AGBL1: variants seen among roughly 807,000 people sequenced by gnomAD.
AGBL1 encodes the protein AGBL carboxypeptidase 1.
A neutral mutation model predicts 118.9 loss-of-function variants in AGBL1; 130 were observed. The ratio of observed to expected loss-of-function variants is 1.09; its 90% CI spans 0.95 to 1.26. The LOEUF (loss-of-function observed/expected upper bound fraction) is 1.26. Ranked by LOEUF, AGBL1 falls within the 50% of genes most tolerant of loss-of-function variation. The probability of loss-of-function intolerance (pLI) is 0.00; values close to 1 mark genes in which losing one functional copy is unlikely to be tolerated. For missense variants in AGBL1, 1,584 were observed against 1,298.1 expected (o/e 1.22, Z -3.38); for synonymous variants, 555 against 478.9 (o/e 1.16, Z -2.08).
intron 9 of AGBL1, among the ~76,000 whole-genome samples, chr15:86,260,093 AT>A (rs2078959059): frequency 6.6e-6 from 1 of 152,272 alleles, no homozygotes; most frequent in African/African-American, 2.4e-5. Context: ...CAGTGTGAGG[AT>A]GAATTGTAGA....
At chr15:86,551,859 A>C (rs1419108631) in intron 20 of AGBL1, among the ~76,000 whole-genome samples, 1 of 152,130 alleles carries the variant, frequency 6.6e-6, no homozygotes, top group South Asian at 2.1e-4. Flanking sequence ...CCTTAAATGG[A>C]TATTACTAAG....
chr15:86,596,709 C>A (rs1361616621), intron 21 of AGBL1, among the ~76,000 whole-genome samples: 1 of 152,170 alleles, frequency 6.6e-6, no homozygotes, highest in African/African-American at 2.4e-5. Flanking sequence ...CCATAAATAT[C>A]TTACCTTCAC....
chr15:86,158,945 C>A lies in AGBL1; in HGVS notation c.407C>A (p.Ala136Asp), dbSNP rs755789582. The stretch of plus-strand genomic sequence containing the variant: ...TTGTTTTTCTTAGTCTCCATGGGAG[C>A]CATGCTGGGAATTAATGGAGCCATG... ...RVFASSVSMG[A>D]MLGINGAMEL... Residue 136 changes from alanine (A) to aspartate (D), a missense_variant, in exon 5 of 23, where the codon GCC (alanine) becomes GAC (aspartate). Physicochemically the swap from Ala to Asp is moderately radical, Grantham distance 126. Coordinates refer to ENST00000614907, the MANE Select transcript of AGBL1 (RefSeq NM_001386094.1). 1.5e-5 allele frequency: 24 copies of A among 1,613,208 alleles called. No homozygotes were observed. The highest frequency in any genetic ancestry group is 6.6e-5 in the South Asian group (6 of 91,064).
At chr15:86,539,785 G>T (rs79007911) in intron 19 of AGBL1, among the ~76,000 whole-genome samples, 1 of 152,194 alleles carries the variant, frequency 6.6e-6, no homozygotes, top group East Asian at 1.9e-4. Flanking sequence ...CACTTCCAAG[G>T]TGCTGCTCCC....
At chr15:86,579,570 T>C (rs1453881183) in intron 21 of AGBL1, among the ~76,000 whole-genome samples, 1 of 152,158 alleles carries the variant, frequency 6.6e-6, no homozygotes, top group African/African-American at 2.4e-5. Flanking sequence ...TGGGGAATTG[T>C]AGCAGAAGTA....
At chr15:86,862,625 G>A (rs541690163) in intron 22 of AGBL1, among the ~76,000 whole-genome samples, 14 of 152,242 alleles carry the variant, frequency 9.2e-5, no homozygotes, top group African/African-American at 3.4e-4. Flanking sequence ...GAGGGCTGAC[G>A]CAGGAGACTC....
rs1251385961 is a variant in AGBL1, at chr15:86,298,321, C to CTA, written c.2374+2921_2374+2922dup. 2.0e-3 allele frequency among the ~76,000 whole-genome samples: 174 copies of CTA among 84,966 alleles called. 2 individuals are homozygous for CTA. Among genetic ancestry groups the CTA allele is most frequent in the African/African-American group, 7.4e-3 (158 of 21,432 alleles). 55.7% of individuals were successfully genotyped at this position (84,966 alleles called of 152,430 possible). A position where few individuals can be genotyped will look rare whatever the true frequency, so the allele number is the denominator to read the frequency against. The stretch of plus-strand genomic sequence containing the variant: ...ATGGTAGCTATATATATATAGGTAA[C>CTA]TATATATATGGTAACTATATATATA... On this transcript the variant is annotated intron_variant, in intron 17 of 22. Coordinates refer to ENST00000614907, the MANE Select transcript of AGBL1 (RefSeq NM_001386094.1).
intron 5 of AGBL1, among the ~76,000 whole-genome samples, chr15:86,211,494 C>G (rs1208453396): frequency 1.3e-5 from 2 of 152,200 alleles, no homozygotes; most frequent in African/African-American, 4.8e-5. Context: ...TGAGCTCCAC[C>G]CAGTTCAAGC....
intron 4 of AGBL1, 24 bp downstream of exon 4, chr15:86,154,585 C>T (rs769267810): frequency 8.1e-5 from 128 of 1,584,044 alleles, no homozygotes; most frequent in Middle Eastern, 1.9e-4. Flanking sequence ...TTGTGGCTCT[C>T]GGGGATGGCT....
intron 24 of AGBL1, among the ~76,000 whole-genome samples, chr15:87,003,225 A>T (rs2081459809): frequency 6.6e-6 from 1 of 152,104 alleles, no homozygotes; most frequent in African/African-American, 2.4e-5. Flanking sequence ...TTCTGCATCT[A>T]TTGAGGTAAT....
At chr15:87,018,741 CATG>C (rs2081632471) in intron 24 of AGBL1, among the ~76,000 whole-genome samples, 1 of 152,124 alleles carries the variant, frequency 6.6e-6, no homozygotes, top group Admixed American at 6.6e-5. Flanking sequence ...TAGCTAGCCT[CATG>C]ATGACAGGAT....
chr15:86,605,203 T>C lies in AGBL1; in HGVS notation c.2994+50666T>C, dbSNP rs117794267. ...AGTAAACAACATTGTTTGAAAGAAA[T>C]ACAGCTAACATTCCTTCAGCTTTTA... On this transcript the variant is annotated intron_variant, in intron 21 of 22. Transcript: ENST00000614907. Among the ~76,000 whole-genome samples the C allele has an allele frequency of 7.7e-3, 1,170 of 152,270 alleles. 9 individuals carry two copies. Among genetic ancestry groups the C allele is most frequent in the Middle Eastern group, 0.014 (4 of 294 alleles).
intron 21 of AGBL1, among the ~76,000 whole-genome samples, chr15:86,568,982 A>G (rs768593538): frequency 7.9e-5 from 12 of 152,090 alleles, no homozygotes; most frequent in Non-Finnish European, 8.8e-5. Context: ...TTGTTGATCT[A>G]TGCCAACATT....
intron 21 of AGBL1, among the ~76,000 whole-genome samples, chr15:86,590,295 G>C (rs1303170945): frequency 2.6e-5 from 4 of 152,202 alleles, no homozygotes; most frequent in Non-Finnish European, 5.9e-5. Flanking sequence ...TGTCATGGAA[G>C]ACACCCTGTG....
intron 21 of AGBL1, among the ~76,000 whole-genome samples, chr15:86,603,771 C>A (rs1328140780): frequency 6.6e-6 from 1 of 152,112 alleles, no homozygotes; most frequent in Non-Finnish European, 1.5e-5. Context: ...GAAAGCTTAT[C>A]CTTTAGTGGA....
intron 24 of AGBL1, among the ~76,000 whole-genome samples, chr15:87,016,175 A>G (rs2081606298): frequency 6.6e-6 from 1 of 152,162 alleles, no homozygotes; most frequent in Non-Finnish European, 1.5e-5. Flanking sequence ...CAAACTCTCA[A>G]GTAACCCTTA....
intron 22 of AGBL1, among the ~76,000 whole-genome samples, chr15:86,783,253 A>G (rs2078359398): frequency 6.6e-6 from 1 of 152,176 alleles, no homozygotes; most frequent in Non-Finnish European, 1.5e-5. Flanking sequence ...GAGTCCTAAG[A>G]ATAAGTTCTG....
At chr15:86,630,659 G>C (rs1376444939) in intron 21 of AGBL1, 1 of 152,220 alleles carries the variant, frequency 6.6e-6, no homozygotes, top group Non-Finnish European at 1.5e-5. Flanking sequence ...GTGCATTTCA[G>C]CTTCTTCAAT....
chr15:86,637,657 C>G (rs1029970979), intron 21 of AGBL1, among the ~76,000 whole-genome samples: 1 of 151,966 alleles, frequency 6.6e-6, no homozygotes, highest in Non-Finnish European at 1.5e-5. Flanking sequence ...AAGATGGTGG[C>G]TTGGAGTAGG....
Sources: gnomAD v4.1 joint callset for allele counts (sites outside exome capture counted in the v4.1 genomes callset) on GRCh38, gnomAD v4.1.1 for gene constraint, MANE v1.5 for transcripts, NCBI Gene and HGNC (gene_info 2026-07-23, HGNC 2026-07-21) for gene names.